Variants in MCF2L observed in about 807,000 individuals in gnomAD.
MCF2L encodes the protein guanine nucleotide exchange factor DBS.
MCF2L carries 97 observed loss-of-function variants against 153.4 expected under a neutral mutation model. That is an observed-to-expected ratio of 0.63 (90% CI 0.54 to 0.75). The LOEUF is 0.75. MCF2L is among the 30% of genes least tolerant of loss of function. The probability of loss-of-function intolerance (pLI) is 0.00; values close to 1 mark genes in which losing one functional copy is unlikely to be tolerated. For missense variants in MCF2L, 1,347 were observed against 1,495.2 expected (o/e 0.90, Z 1.64); for synonymous variants, 659 against 632.2 (o/e 1.04, Z -0.64).
rs200185417 is a variant in MCF2L at position 113,031,240 on chromosome 13, C to T, written c.278+6482C>T. 4.3e-5 allele frequency among the ~76,000 whole-genome samples: 4 copies of T among 93,282 alleles called. No homozygotes were observed. The highest frequency in any genetic ancestry group is 4.5e-3 in the Middle Eastern group (1 of 222). The allele number at this position is 93,282 out of a possible 152,430, so 61.2% of individuals were successfully genotyped here. A position where few individuals can be genotyped will look rare whatever the true frequency, so the allele number is the denominator to read the frequency against. On this transcript the variant is annotated intron_variant, in intron 3 of 29. Coordinates refer to ENST00000535094, the MANE Select transcript of MCF2L (RefSeq NM_001112732.3). The surrounding 1 kb of genome is among the most constrained non-coding windows in gnomAD (Gnocchi z 5.5). ...GACAGAGAGAGACAGAGAGAAGAGACAGAGAGTGACAGAGATAGAGACAGA... is the reference window on the plus strand; with the variant it reads ...GACAGAGAGAGACAGAGAGAAGAGATAGAGAGTGACAGAGATAGAGACAGA...
rs28433539 is a variant in MCF2L at position 112,989,424 on chromosome 13, A to G, written c.79+19966A>G. Among the ~76,000 whole-genome samples, 124 of 64,610 alleles carry G rather than the reference A, an allele frequency of 1.9e-3. 7 individuals carry two copies. Among genetic ancestry groups the G allele is most frequent in the East Asian group, 0.018 (36 of 1,974 alleles). 42.4% of individuals were successfully genotyped at this position (64,610 alleles called of 152,430 possible). Reference sequence around the variant, plus strand: ...CACGCCCGAGTCCTCCCTGAGCAGGACATGGAGCTACCACGCCCGAGTCCT... The same window carrying G: ...CACGCCCGAGTCCTCCCTGAGCAGGGCATGGAGCTACCACGCCCGAGTCCT... On this transcript the variant is annotated intron_variant, in intron 1 of 29. Transcript: ENST00000535094.
chr13:113,017,386 T>G (rs942049736), intron 2 of MCF2L, among the ~76,000 whole-genome samples: 1 of 152,214 alleles, frequency 6.6e-6, no homozygotes. Flanking sequence ...CACCTGTACG[T>G]CGGTGTCTCC....
chr13:113,033,181 GTGAGTGGACCCCGTGA>G (rs2085856193), intron 3 of MCF2L, among the ~76,000 whole-genome samples: 1 of 111,692 alleles, frequency 9.0e-6, no homozygotes, highest in Non-Finnish European at 1.9e-5. Context: ...CCCCCATGAC[GTGAGTGGACCCCGTGA>G]CGTGAGTGGC....
At chr13:112,988,621 A>G (rs1359079959) in intron 1 of MCF2L, among the ~76,000 whole-genome samples, 1 of 146,642 alleles carries the variant, frequency 6.8e-6, no homozygotes, top group Non-Finnish European at 1.5e-5. Flanking sequence ...GGATGGAGCT[A>G]CCACACCGGA....
intron 2 of MCF2L, among the ~76,000 whole-genome samples, chr13:112,962,431 T>A (rs2081842923): frequency 6.6e-6 from 1 of 152,198 alleles, no homozygotes; most frequent in Admixed American, 6.5e-5. Flanking sequence ...GGTCCCTGTG[T>A]GGTGTCGGCT....
intron 2 of MCF2L, chr13:112,910,266 G>A (rs1367232296): frequency 1.3e-5 from 2 of 152,196 alleles, no homozygotes; most frequent in Non-Finnish European, 2.9e-5. Flanking sequence ...GAAAACAACT[G>A]ATGTCAGTAA....
At chr13:112,977,909 A>C (rs976346747) in intron 1 of MCF2L, among the ~76,000 whole-genome samples, 6 of 152,212 alleles carry the variant, frequency 3.9e-5, no homozygotes, top group African/African-American at 1.4e-4. Flanking sequence ...CCTGGTCTCT[A>C]CTAAAAATAC....
rs1245252458 is a variant in MCF2L at position 113,099,276 on chromosome 13, T to G, written c.*2417T>G. ...ACTGTCATGAAAAGTGATCCCTGTTTGCCCCTAAACGTAGAGAAATCTGCG... is the reference window on the plus strand; with the variant it reads ...ACTGTCATGAAAAGTGATCCCTGTTGGCCCCTAAACGTAGAGAAATCTGCG... On this transcript the variant is annotated 3_prime_UTR_variant, in exon 30 of 30. Coordinates refer to ENST00000535094, the MANE Select transcript of MCF2L (RefSeq NM_001112732.3). 6.6e-5 allele frequency: 10 copies of G among 152,226 alleles called. No individual in the cohort carries two copies. The highest frequency in any genetic ancestry group is 1.5e-5 in the Non-Finnish European group (1 of 68,036). The allele number at this position is 152,226 out of a possible 1,614,324, so 9.4% of individuals were successfully genotyped here. A position where few individuals can be genotyped will look rare whatever the true frequency, so the allele number is the denominator to read the frequency against.
chr13:112,905,961 C>T (rs1841585018), intron 2 of MCF2L, among the ~76,000 whole-genome samples: 1 of 152,140 alleles, frequency 6.6e-6, no homozygotes, highest in South Asian at 2.1e-4. Context: ...GGTGATTCCC[C>T]CTGGTTCTAC....
At chr13:113,047,618 C>T (rs543264394) in intron 4 of MCF2L, among the ~76,000 whole-genome samples, 3 of 152,392 alleles carry the variant, frequency 2.0e-5, no homozygotes, top group East Asian at 1.9e-4. Context: ...CTTAGCAACA[C>T]GTGGGTGTAG....
At chr13:113,056,041 C>T (rs1337280808) in intron 4 of MCF2L, among the ~76,000 whole-genome samples, 1 of 152,232 alleles carries the variant, frequency 6.6e-6, no homozygotes, top group Non-Finnish European at 1.5e-5. Context: ...GGGCCGTGGT[C>T]CCTGCCCTCC....
intron 2 of MCF2L, among the ~76,000 whole-genome samples, chr13:112,953,595 G>T (rs964715551): frequency 6.6e-6 from 1 of 152,378 alleles, no homozygotes; most frequent in African/African-American, 2.4e-5. Context: ...GGGTGGGAAA[G>T]ATCCTGCCTG....
rs2082528976 is a variant in MCF2L, at chr13:112,983,801, G to A, written c.79+14343G>A. The stretch of plus-strand genomic sequence containing the variant: ...CTCCACCCGTCCACCTGTGTGTCTG[G>A]GTCAGGCTGGCTTCTGCATCTCTGT... On this transcript the variant is annotated intron_variant, in intron 1 of 29. Coordinates refer to ENST00000535094, the MANE Select transcript of MCF2L (RefSeq NM_001112732.3). The surrounding 1 kb of genome is among the most constrained non-coding windows in gnomAD (Gnocchi z 4.0). Among the ~76,000 whole-genome samples, 1 of 152,098 alleles carries A rather than the reference G, an allele frequency of 6.6e-6. No individual in the cohort carries two copies. The highest frequency in any genetic ancestry group is 1.5e-5 in the Non-Finnish European group (1 of 68,012).
intron 1 of MCF2L, chr13:112,985,094 G>A (rs2082580492): frequency 4.1e-6 from 1 of 244,540 alleles, no homozygotes; most frequent in Non-Finnish European, 8.3e-6. Context: ...TGGACCCAAG[G>A]CAAGAATAGC....
At chr13:112,925,348 C>T (rs1384208068) in intron 2 of MCF2L, among the ~76,000 whole-genome samples, 1 of 152,166 alleles carries the variant, frequency 6.6e-6, no homozygotes, top group Non-Finnish European at 1.5e-5. Context: ...TAAAGCTAAG[C>T]ATGTGCCTGC....
At chr13:112,897,981 A>AGCCCCG (rs775046468) in intron 1 of MCF2L, among the ~76,000 whole-genome samples, 23 of 149,382 alleles carry the variant, frequency 1.5e-4, no homozygotes, top group African/African-American at 4.6e-4. Flanking sequence ...GTCCAGCCCC[A>AGCCCCG]GCCCCGGCCC....
chr13:113,056,708 G>T (rs1202060091), intron 4 of MCF2L, among the ~76,000 whole-genome samples: 1 of 148,646 alleles, frequency 6.7e-6, no homozygotes, highest in African/African-American at 2.5e-5. Context: ...TTTAGGTGCT[G>T]TGTGTTTGGG....
intron 2 of MCF2L, among the ~76,000 whole-genome samples, chr13:112,928,411 G>T (rs2081429625): frequency 6.6e-6 from 1 of 152,170 alleles, no homozygotes; most frequent in African/African-American, 2.4e-5. Context: ...TTAATTCTCT[G>T]CGTGAATGTG....
intron 1 of MCF2L, among the ~76,000 whole-genome samples, chr13:112,972,298 T>A (rs1251742970): frequency 6.8e-6 from 1 of 147,428 alleles, no homozygotes; most frequent in Non-Finnish European, 1.5e-5. Context: ...GATGAATGGA[T>A]GTGTGGGTGG....
Sources: gnomAD v4.1 joint callset for allele counts (sites outside exome capture counted in the v4.1 genomes callset) on GRCh38, gnomAD v4.1.1 for gene constraint, Gnocchi (gnomAD v3.1) non-coding constraint, MANE v1.5 for transcripts, NCBI Gene and HGNC (gene_info 2026-07-23, HGNC 2026-07-21) for gene names.